The following CELSR1 variants were observed in gnomAD, a reference collection of about 807,000 sequenced individuals.
CELSR1 encodes adhesion G protein-coupled receptor C1.
A neutral mutation model predicts 249.1 loss-of-function variants in CELSR1; 110 were observed. The observed-to-expected ratio is 0.44, with a 90% CI of 0.38 to 0.52. CELSR1 has a LOEUF of 0.52. CELSR1 is among the 20% of genes least tolerant of loss of function. CELSR1 has a pLI of 0.00. For missense variants in CELSR1, 4,109 were observed against 4,296.4 expected (o/e 0.96, Z 1.22); for synonymous variants, 2,113 against 1,900.0 (o/e 1.11, Z -2.92).
chr22:46,455,921 A>G (rs1278295216), intron 2 of CELSR1, among the ~76,000 whole-genome samples: 3 of 152,244 alleles, frequency 2.0e-5, no homozygotes, highest in Non-Finnish European at 4.4e-5. Flanking sequence ...GCTACGTACC[A>G]GGGACATGGC....
chr22:46,376,143 T>G (rs966215234), intron 24 of CELSR1, among the ~76,000 whole-genome samples: 2 of 152,252 alleles, frequency 1.3e-5, no homozygotes, highest in African/African-American at 4.8e-5. Context: ...AGGTTTTTCT[T>G]TCTTTCTAAT....
chr22:46,526,245 GAAGCT>G lies in CELSR1; in HGVS notation c.3544+7377_3544+7381del, dbSNP rs1467184908. 6.6e-6 allele frequency among the ~76,000 whole-genome samples: 1 copy of G among 152,146 alleles called. No homozygotes were observed. The highest frequency in any genetic ancestry group is 1.5e-5 in the Non-Finnish European group (1 of 68,032). Reference sequence around the variant, plus strand: ...TTACTGTCCTGGCAAACCCGTCTACGAAGCTTGGCCACAGTAGCCCTTTGGGAGAC... The same window carrying G: ...TTACTGTCCTGGCAAACCCGTCTACGTGGCCACAGTAGCCCTTTGGGAGAC... On this transcript the variant is annotated intron_variant, in intron 1 of 34. Transcript: ENST00000674500. This position sits in a 1 kb window ranked among gnomAD's most constrained non-coding sequence, Gnocchi z 4.7.
At position 46,410,449 on chromosome 22, in the gene CELSR1, C is replaced by G. The variant is rs118157655; in HGVS notation, c.4882G>C (p.Gly1628Arg). Residue 1628 changes from glycine (G) to arginine (R), a missense_variant, in exon 7 of 35, where the codon GGC (glycine) becomes CGC (arginine). Physicochemically the swap from Gly to Arg is moderately radical, Grantham distance 125. This residue lies in a region of CELSR1 where 453 missense variants were observed against 492.0 expected (regional missense o/e 0.92). Coordinates refer to ENST00000674500, the MANE Select transcript of CELSR1 (RefSeq NM_001378328.1). This position sits in a 1 kb window ranked among gnomAD's most constrained non-coding sequence, Gnocchi z 6.8. ...AATCCGGCCATGTCCACATTTTTGC[C>G]GTCGACTGACAGGTTCCGCATGCAG... is the stretch of plus-strand genomic sequence containing the variant. Reference protein sequence around the residue: ...VGCMRNLSVDGKNVDMAGFIA... With the variant: ...VGCMRNLSVDRKNVDMAGFIA... The G allele has an allele frequency of 4.3e-6, 7 of 1,613,940 alleles. No homozygotes were observed. The Admixed American group carries it at 5.0e-5, about 12-fold the overall frequency.
chr22:46,389,624 C>T (rs957999053), intron 17 of CELSR1, 125 bp from the exon 18 acceptor site: 45 of 1,085,320 alleles, frequency 4.1e-5, no homozygotes, highest in Non-Finnish European at 5.5e-5. Context: ...TTTAAAAAAT[C>T]CAAAAGCCTG....
At chr22:46,504,573 A>G (rs566192747) in intron 1 of CELSR1, among the ~76,000 whole-genome samples, 5 of 152,216 alleles carry the variant, frequency 3.3e-5, no homozygotes, top group Admixed American at 6.5e-5. Flanking sequence ...ATCTTCCCCA[A>G]AGAGACATGC....
chr22:46,533,104 T>C lies in CELSR1; in HGVS notation c.3544+523A>G, dbSNP rs2080809225. On this transcript the variant is annotated intron_variant, in intron 1 of 34. Coordinates refer to ENST00000674500, the MANE Select transcript of CELSR1 (RefSeq NM_001378328.1). Reference sequence around the variant, plus strand: ...CCTACACACCTAAGCCCGACTGTTATTATCTGCAGGAGACAGAAAAGCCAG... The same window carrying C: ...CCTACACACCTAAGCCCGACTGTTACTATCTGCAGGAGACAGAAAAGCCAG... Among the ~76,000 whole-genome samples, 3 of 152,296 alleles carry C rather than the reference T, an allele frequency of 2.0e-5. No homozygotes were observed. In the South Asian group the frequency reaches 6.2e-4, roughly 32 times the overall value.
rs1223057203 is a variant in CELSR1, at chr22:46,423,212, G to C, written c.4611+10181C>G. ...CCCCAGCTGCCATGGCTAACGGCCA[G>C]GTCATATGAGTGAGGCCTTCACACA... On this transcript the variant is annotated intron_variant, in intron 5 of 34. Transcript: ENST00000674500. This position sits in a 1 kb window ranked among gnomAD's most constrained non-coding sequence, Gnocchi z 5.6. Among the ~76,000 whole-genome samples, 2 of 152,270 alleles carry C rather than the reference G, an allele frequency of 1.3e-5. No homozygotes were observed. Among genetic ancestry groups the C allele is most frequent in the Non-Finnish European group, 2.9e-5 (2 of 68,050 alleles).
chr22:46,478,485 G>A (rs185479203), intron 1 of CELSR1, among the ~76,000 whole-genome samples: 30 of 152,250 alleles, frequency 2.0e-4, no homozygotes, highest in Middle Eastern at 3.4e-3. Context: ...TATGTTCCCT[G>A]GCCCGACGTG....
intron 17 of CELSR1, 48 bp from the exon 18 acceptor site, chr22:46,389,547 T>C (rs1458106480): frequency 6.4e-7 from 1 of 1,570,198 alleles, no homozygotes; most frequent in African/African-American, 1.3e-5. Context: ...CTTCGGCCGC[T>C]TTCAGTCCCT....
At chr22:46,371,039 C>T (rs921652995) in intron 25 of CELSR1, among the ~76,000 whole-genome samples, 2 of 152,224 alleles carry the variant, frequency 1.3e-5, no homozygotes, top group Non-Finnish European at 2.9e-5. Flanking sequence ...AGGCCATGTT[C>T]TTCATCTCAG....
intron 4 of CELSR1, among the ~76,000 whole-genome samples, chr22:46,435,279 ATTTT>A (rs887443508): frequency 5.5e-5 from 6 of 108,386 alleles, no homozygotes; most frequent in African/African-American, 2.7e-4. Context: ...AAAAAAAAAA[ATTTT>A]TTTTTTTTTT....
At chr22:46,442,391 C>T (rs566847555) in intron 2 of CELSR1, among the ~76,000 whole-genome samples, 1 of 152,324 alleles carries the variant, frequency 6.6e-6, no homozygotes, top group East Asian at 1.9e-4. Flanking sequence ...CAGGCCATCC[C>T]CGAGGGGCCA....
chr22:46,377,918 C>T (rs1157983424), intron 23 of CELSR1, among the ~76,000 whole-genome samples: 3 of 152,202 alleles, frequency 2.0e-5, no homozygotes, highest in Non-Finnish European at 4.4e-5. Context: ...AGTGCAACCC[C>T]GGGGAGGGGC....
rs868835165 is a variant in CELSR1, at chr22:46,363,326, G to A, written c.9036-79C>T. On this transcript the variant is annotated intron_variant, in intron 34 of 34. Coordinates refer to ENST00000674500, the MANE Select transcript of CELSR1 (RefSeq NM_001378328.1). The surrounding 1 kb of genome is among the most constrained non-coding windows in gnomAD (Gnocchi z 4.3). Reference sequence around the variant, plus strand: ...TTGGTGGGGCCCAAGGTTGTCACACGGGGGGGCAGGATCACCCCATCAGGG... The same window carrying A: ...TTGGTGGGGCCCAAGGTTGTCACACAGGGGGGCAGGATCACCCCATCAGGG... The A allele has an allele frequency of 2.8e-5, 34 of 1,232,144 alleles. No homozygotes were observed. The highest frequency in any genetic ancestry group is 5.9e-5 in the African/African-American group (4 of 67,652). 76.3% of individuals were successfully genotyped at this position (1,232,144 alleles called of 1,614,324 possible).
At position 46,430,178 on chromosome 22, in the gene CELSR1, C is replaced by T. The variant is rs537896212; in HGVS notation, c.4611+3215G>A. Among the ~76,000 whole-genome samples, 9 of 152,276 alleles carry T rather than the reference C, an allele frequency of 5.9e-5. 1 individual carries two copies. In the South Asian group the frequency reaches 1.5e-3, roughly 25 times the overall value. ...TCAGAGACACAGCCACTCTGGAGGG[C>T]GGGGGACAGAGAACGAGACTGAAGA... On this transcript the variant is annotated intron_variant, in intron 5 of 34. Transcript: ENST00000674500. This position sits in a 1 kb window ranked among gnomAD's most constrained non-coding sequence, Gnocchi z 4.6.
At chr22:46,513,426 A>G (rs1447402171) in intron 1 of CELSR1, among the ~76,000 whole-genome samples, 1 of 152,068 alleles carries the variant, frequency 6.6e-6, no homozygotes, top group African/African-American at 2.4e-5. Flanking sequence ...AAGAAGTCCA[A>G]TGCAGTCACA....
intron 1 of CELSR1, among the ~76,000 whole-genome samples, chr22:46,514,717 C>A (rs1302599761): frequency 6.6e-6 from 1 of 152,162 alleles, no homozygotes; most frequent in Admixed American, 6.5e-5. Context: ...CCGAGGCTCA[C>A]GGCTGGGCTC....
chr22:46,534,566 T>G lies in CELSR1; in HGVS notation c.2605A>C (p.Ile869Leu), dbSNP rs151213297. ...GTGGTGGTGTCTGATTTCTGCGGGA[T>G]GCCGTTGTCCTGGGCCATGATGGTC... Reference protein sequence around the residue: ...TLTIMAQDNGIPQKSDTTTLE... With the variant: ...TLTIMAQDNGLPQKSDTTTLE... Residue 869 changes from isoleucine (I) to leucine (L), a missense_variant, in exon 1 of 35, where the codon ATC becomes CTC. Physicochemically the swap from Ile to Leu is conservative, Grantham distance 5. Transcript: ENST00000674500. The surrounding 1 kb of genome is among the most constrained non-coding windows in gnomAD (Gnocchi z 9.7). 6.2e-7 allele frequency: 1 copy of G among 1,613,756 alleles called. No homozygotes were observed. The highest frequency in any genetic ancestry group is 2.2e-5 in the East Asian group (1 of 44,880).
rs1377565693 is a variant in CELSR1, at chr22:46,446,321, G to A, written c.4184-6910C>T. Reference sequence around the variant, plus strand: ...CCTGGCTGTACCTGTCCTCTGCCTCGAGCACTCTCCCTCTGGGGAAGCTCG... The same window carrying A: ...CCTGGCTGTACCTGTCCTCTGCCTCAAGCACTCTCCCTCTGGGGAAGCTCG... On this transcript the variant is annotated intron_variant, in intron 2 of 34. Transcript: ENST00000674500. This position sits in a 1 kb window ranked among gnomAD's most constrained non-coding sequence, Gnocchi z 5.5. Among the ~76,000 whole-genome samples, 5 of 152,144 alleles carry A rather than the reference G, an allele frequency of 3.3e-5. No individual in the cohort carries two copies. The highest frequency in any genetic ancestry group is 1.9e-4 in the East Asian group (1 of 5,180).
Sources: gnomAD v4.1 joint callset for allele counts (sites outside exome capture counted in the v4.1 genomes callset) on GRCh38, gnomAD v4.1.1 for gene constraint, gnomAD v4.1.1 regional missense constraint, Gnocchi (gnomAD v3.1) non-coding constraint, MANE v1.5 for transcripts, NCBI Gene and HGNC (gene_info 2026-07-23, HGNC 2026-07-21) for gene names.